Variants in KANSL2 observed in about 807,000 individuals in gnomAD.
KANSL2 encodes the protein NSL complex protein NSL2.
Under a neutral mutation model 55.6 loss-of-function variants are expected in KANSL2, and 34 were observed. The ratio of observed to expected loss-of-function variants is 0.61; its 90% CI spans 0.46 to 0.81. KANSL2 has a LOEUF of 0.81. Ranked by LOEUF, KANSL2 falls within the 40% of genes least tolerant of loss-of-function variation. KANSL2 has a pLI of 0.00. For synonymous variants in KANSL2, 209 were observed against 214.3 expected, an observed-to-expected ratio of 0.98 and a Z score of 0.22; for missense variants, 502 against 609.9, an observed-to-expected ratio of 0.82 and a Z score of 1.86.
At chr12:48,677,625 C>CA (rs1436750634) in intron 4 of KANSL2, among the ~76,000 whole-genome samples, 2 of 151,466 alleles carry the variant, frequency 1.3e-5, no homozygotes, top group Non-Finnish European at 2.9e-5. Context: ...ACTAAAAATA[C>CA]AAAAAATTAC....
chr12:48,681,520 G>C lies in KANSL2; in HGVS notation c.113C>G (p.Pro38Arg), dbSNP rs992202925. ...CAFTHRPCSHPRLEGQEFCIK... is the reference protein window; with the variant it reads ...CAFTHRPCSHRRLEGQEFCIK... ...GCAAAACTCCTGCCCCTCCAGACGAGGGTGAGAGCATGGACGATGAGTGAA... is the reference window on the plus strand; with the variant it reads ...GCAAAACTCCTGCCCCTCCAGACGACGGTGAGAGCATGGACGATGAGTGAA... The change falls in exon 2 of 10, where the codon CCT becomes CGT. Residue 38 changes from proline (P) to arginine (R), a missense_variant. Pro to Arg is a moderately radical substitution (Grantham distance 103). Coordinates refer to ENST00000420613, the MANE Select transcript of KANSL2 (RefSeq NM_017822.4). The C allele has an allele frequency of 4.3e-6, 7 of 1,613,850 alleles. No homozygotes were observed. Among genetic ancestry groups the C allele is most frequent in the African/African-American group, 1.3e-5 (1 of 74,900 alleles).
At position 48,682,135 on chromosome 12, in the gene KANSL2, G is replaced by T. The variant is rs60042519; in HGVS notation, c.-10+52C>A. On this transcript the variant is annotated intron_variant, in intron 1 of 9. Transcript: ENST00000420613. The stretch of plus-strand genomic sequence containing the variant: ...GCAGCTCTGAGCTGACAAAAAGAGC[G>T]AAATAGCAGCCCAACCGCAAGAGCT... 0.011 allele frequency: 7,427 copies of T among 702,732 alleles called. 428 individuals are homozygous for T. The African/African-American group carries it at 0.11, about 11-fold the overall frequency. 43.5% of individuals were successfully genotyped at this position (702,732 alleles called of 1,614,324 possible).
intron 7 of KANSL2, among the ~76,000 whole-genome samples, chr12:48,663,064 A>C (rs1343764399): frequency 6.6e-6 from 1 of 152,198 alleles, no homozygotes; most frequent in Non-Finnish European, 1.5e-5. Context: ...AAATTCTGTT[A>C]AATATATTTA....
Position 48,681,365 on chromosome 12 carries a change from TATC to T in KANSL2, c.251+14_251+16del. 1 of 1,595,522 alleles carries T rather than the reference TATC, an allele frequency of 6.3e-7. No individual in the cohort carries two copies. The highest frequency in any genetic ancestry group is 8.5e-7 in the Non-Finnish European group (1 of 1,171,034). ...CTCGCTTTAAGAAAAACGACATATA[TATC>T]TATACATATATACCCATCTTTCTTC... On this transcript the variant is annotated intron_variant, in intron 2 of 9. Transcript: ENST00000420613.
chr12:48,672,047 TTTG>T, intron 4 of KANSL2, 85 bp from the exon 5 acceptor site: 1 of 1,193,666 alleles, frequency 8.4e-7, no homozygotes, highest in South Asian at 1.8e-5. Flanking sequence ...TCAGACTAAG[TTTG>T]TTATTTAACA....
intron 8 of KANSL2, chr12:48,656,869 A>C: frequency 2.5e-6 from 1 of 405,950 alleles, no homozygotes. Flanking sequence ...CTTCTTCCTA[A>C]GAATTAAAAA....
chr12:48,670,290 A>G (rs1158842754), intron 5 of KANSL2, among the ~76,000 whole-genome samples: 2 of 151,978 alleles, frequency 1.3e-5, no homozygotes, highest in Non-Finnish European at 2.9e-5. Flanking sequence ...TATATTTACT[A>G]TATTTATCCT....
chr12:48,674,904 C>T (rs1247241792), intron 4 of KANSL2, among the ~76,000 whole-genome samples: 1 of 146,716 alleles, frequency 6.8e-6, no homozygotes, highest in African/African-American at 2.5e-5. Context: ...CCAGCCTGGG[C>T]GACAGAACGA....
chr12:48,677,163 C>G (rs924322595), intron 4 of KANSL2, among the ~76,000 whole-genome samples: 2 of 152,086 alleles, frequency 1.3e-5, no homozygotes. Flanking sequence ...TACTTAGTTG[C>G]CTAATAGCTG....
intron 8 of KANSL2, among the ~76,000 whole-genome samples, chr12:48,660,138 AG>A (rs1374384679): frequency 6.6e-6 from 1 of 152,230 alleles, no homozygotes; most frequent in African/African-American, 2.4e-5. Context: ...TGCAATTTAT[AG>A]TATGTAAATT....
chr12:48,656,964 A>T (rs1424360946), intron 8 of KANSL2, among the ~76,000 whole-genome samples: 1 of 152,240 alleles, frequency 6.6e-6, no homozygotes, highest in African/African-American at 2.4e-5. Context: ...CGAGAAGCTT[A>T]GTTCTACGCT....
intron 9 of KANSL2, 38 bp from the exon 10 acceptor site, chr12:48,654,213 A>C (rs1332180484): frequency 1.3e-6 from 2 of 1,577,070 alleles, no homozygotes; most frequent in South Asian, 2.4e-5. Flanking sequence ...TTAGTAATTC[A>C]TTCACTGTGG....
chr12:48,664,975 T>C (rs1007219521), intron 7 of KANSL2, among the ~76,000 whole-genome samples: 7 of 147,628 alleles, frequency 4.7e-5, no homozygotes, highest in Non-Finnish European at 1.0e-4. Flanking sequence ...TTCAAACTCC[T>C]AGGCTCAAAA....
chr12:48,657,686 G>T (rs1939412412), intron 8 of KANSL2, among the ~76,000 whole-genome samples: 1 of 151,914 alleles, frequency 6.6e-6, no homozygotes, highest in Non-Finnish European at 1.5e-5. Flanking sequence ...GCAAGATCTT[G>T]GCTCACTGCA....
chr12:48,677,291 T>C lies in KANSL2; in HGVS notation c.545+1745A>G, dbSNP rs369644035. On this transcript the variant is annotated intron_variant, in intron 4 of 9. Transcript: ENST00000420613. ...CATAAAATGACCTGGTATTTTGGTT[T>C]ATACAGCAGCCTCCTGTAAGTTAAA... Among the ~76,000 whole-genome samples, 4 of 152,312 alleles carry C rather than the reference T, an allele frequency of 2.6e-5. No homozygotes were observed. The East Asian group carries it at 7.7e-4, about 29-fold the overall frequency.
chr12:48,662,174 G>A (rs1311179760), intron 7 of KANSL2, among the ~76,000 whole-genome samples: 1 of 152,038 alleles, frequency 6.6e-6, no homozygotes, highest in Non-Finnish European at 1.5e-5. Context: ...GCGTGATCTC[G>A]GCTCACTGCA....
intron 3 of KANSL2, 53 bp downstream of exon 3, chr12:48,679,602 G>GT (rs111817589): frequency 2.7e-6 from 4 of 1,490,408 alleles, no homozygotes; most frequent in African/African-American, 1.4e-5. Context: ...ACCCAAAATA[G>GT]TTCCCCCTTA....
At chr12:48,668,095 A>C (rs1235189463) in intron 6 of KANSL2, among the ~76,000 whole-genome samples, 1 of 152,186 alleles carries the variant, frequency 6.6e-6, no homozygotes, top group Non-Finnish European at 1.5e-5. Context: ...CAACAAATGA[A>C]ACAAAATTAC....
At chr12:48,668,779 T>C (rs148458364) in intron 6 of KANSL2, among the ~76,000 whole-genome samples, 2,219 of 152,262 alleles carry the variant, frequency 0.015, 44 homozygotes, top group African/African-American at 0.051. Flanking sequence ...CGGTGGCTCA[T>C]GTCTGCAATC....
Sources: allele counts gnomAD v4.1 joint callset (sites outside exome capture counted in the v4.1 genomes callset), GRCh38; gene constraint gnomAD v4.1.1; transcripts MANE v1.5; gene names NCBI Gene and HGNC (gene_info 2026-07-23, HGNC 2026-07-21).